The following DCK variants were observed in gnomAD, a reference collection of about 807,000 sequenced individuals.
DCK encodes deoxycytidine kinase.
Under a neutral mutation model 38.3 loss-of-function variants are expected in DCK, and 23 were observed. The observed-to-expected ratio is 0.60, with a 90% CI of 0.43 to 0.85. The LOEUF is 0.85. Ranked by LOEUF, DCK falls within the 40% of genes least tolerant of loss-of-function variation. DCK has a pLI of 0.00. For missense variants in DCK, 259 were observed against 304.4 expected (o/e 0.85, Z 1.11); for synonymous variants, 108 against 100.6 (o/e 1.07, Z -0.44).
chr4:71,002,389 G>C (rs1201281164), intron 2 of DCK, among the ~76,000 whole-genome samples: 1 of 152,080 alleles, frequency 6.6e-6, no homozygotes, highest in African/African-American at 2.4e-5. Flanking sequence ...CCAATTATGT[G>C]GTCAATTTTA....
At chr4:71,019,619 A>G (rs1017409462) in intron 2 of DCK, among the ~76,000 whole-genome samples, 3 of 152,160 alleles carry the variant, frequency 2.0e-5, no homozygotes, top group African/African-American at 7.2e-5. Flanking sequence ...CTAGAAATAT[A>G]GTCTTTTAAA....
intron 2 of DCK, among the ~76,000 whole-genome samples, chr4:71,022,107 G>T (rs1740440622): frequency 6.6e-6 from 1 of 152,098 alleles, no homozygotes; most frequent in South Asian, 2.1e-4. Context: ...TTTTAAAAAG[G>T]ACTTTTGGAC....
chr4:71,023,562 T>C lies in DCK; in HGVS notation c.405T>C (p.Tyr135=). The C allele has an allele frequency of 6.3e-7, 1 of 1,579,496 alleles. No homozygotes were observed. The part of the protein sequence containing the change: ...FFERSVYSDR[Y]IFASNLYESE... ...GTTGATGAAGACTCTCTTTTAGGTA[T>C]ATTTTTGCATCTAATTTGTATGAAT... The change falls in exon 4 of 7, where the codon TAT becomes TAC. Residue 135 remains tyrosine (Y), a synonymous_variant. Transcript: ENST00000286648.
Position 70,998,172 on chromosome 4 carries a change from A to G in DCK, c.197A>G (p.Asp66Gly), listed in dbSNP as rs574859386. The part of the protein sequence containing the change: ...ARWCNVQSTQ[D>G]EFEELTMSQK... ...TGGTGCAATGTTCAAAGTACTCAAG[A>G]TGAATTTGAGGTATGAAAATAAAAT... Residue 66 changes from aspartate to glycine, a missense_variant, in exon 2 of 7, where the codon GAT becomes GGT. Physicochemically the swap from Asp to Gly is moderately conservative, Grantham distance 94 (BLOSUM62 -1). Around this residue, in one of 3 missense-constraint regions of DCK, gnomAD observed 159 missense variants for 159.0 expected, o/e 1.00. Coordinates refer to ENST00000286648, the MANE Select transcript of DCK (RefSeq NM_000788.3). 6.4e-6 allele frequency: 10 copies of G among 1,558,056 alleles called. No individual in the cohort carries two copies. The South Asian group carries it at 1.2e-4, about 18-fold the overall frequency.
intron 2 of DCK, among the ~76,000 whole-genome samples, chr4:71,003,270 T>C (rs540932214): frequency 1.7e-4 from 26 of 152,340 alleles, no homozygotes; most frequent in Non-Finnish European, 2.9e-4. Context: ...TCTTTAAGAA[T>C]GTTGAATGTT....
At chr4:71,021,201 C>A (rs978948784) in intron 2 of DCK, among the ~76,000 whole-genome samples, 1 of 151,254 alleles carries the variant, frequency 6.6e-6, no homozygotes, top group Non-Finnish European at 1.5e-5. Flanking sequence ...TCAGCCTCCC[C>A]AGTAGCTGGG....
At chr4:70,998,463 A>G (rs1240300792) in intron 2 of DCK, among the ~76,000 whole-genome samples, 3 of 152,220 alleles carry the variant, frequency 2.0e-5, no homozygotes, top group Admixed American at 2.0e-4. Context: ...TAGCATTTAC[A>G]TTGTATTAAG....
chr4:71,026,635 A>G lies in DCK; in HGVS notation c.666-30A>G, dbSNP rs768299319. The G allele has an allele frequency of 3.8e-6, 4 of 1,040,224 alleles. No homozygotes were observed. The Admixed American group carries it at 6.0e-5, about 16-fold the overall frequency. The allele number at this position is 1,040,224 out of a possible 1,614,324, so 64.4% of individuals were successfully genotyped here. On this transcript the variant is annotated intron_variant, in intron 5 of 6. Transcript: ENST00000286648. ...CTCTCTTTTTTTTGTTGAATTTCTG[A>G]TTATTTTATTAATCTCTCTTTTTAA...
At chr4:71,024,863 T>G (rs1414798209) in intron 4 of DCK, among the ~76,000 whole-genome samples, 1 of 152,092 alleles carries the variant, frequency 6.6e-6, no homozygotes, top group African/African-American at 2.4e-5. Context: ...TCACTTTTAT[T>G]TTTGAAAAGG....
At chr4:71,001,056 A>G (rs549737888) in intron 2 of DCK, among the ~76,000 whole-genome samples, 11 of 152,228 alleles carry the variant, frequency 7.2e-5, no homozygotes. Flanking sequence ...ACTATGTTGA[A>G]TAGGAGAGGT....
Position 70,995,027 on chromosome 4 carries a change from T to C in DCK, c.91+1101T>C, listed in dbSNP as rs1739630572. On this transcript the variant is annotated intron_variant, in intron 1 of 6. Coordinates refer to ENST00000286648, the MANE Select transcript of DCK (RefSeq NM_000788.3). ...CAAATTTTTTAAAATTCTTACCACA[T>C]TCAAAGCACTGTACCTTCTTGAAAA... Among the ~76,000 whole-genome samples, 5 of 152,196 alleles carry C rather than the reference T, an allele frequency of 3.3e-5. No homozygotes were observed. The South Asian group carries it at 1.0e-3, about 31-fold the overall frequency.
At chr4:71,002,388 T>G (rs1322687406) in intron 2 of DCK, among the ~76,000 whole-genome samples, 1 of 152,228 alleles carries the variant, frequency 6.6e-6, no homozygotes, top group East Asian at 1.9e-4. Flanking sequence ...TCCAATTATG[T>G]GGTCAATTTT....
intron 2 of DCK, among the ~76,000 whole-genome samples, chr4:71,005,040 T>A (rs1309736100): frequency 6.6e-6 from 1 of 152,132 alleles, no homozygotes; most frequent in Non-Finnish European, 1.5e-5. Context: ...GAAAAAAAAC[T>A]CCTGCAGCTA....
chr4:71,018,330 G>A (rs1201430292), intron 2 of DCK, among the ~76,000 whole-genome samples: 10 of 151,912 alleles, frequency 6.6e-5, no homozygotes, highest in Admixed American at 2.6e-4. Context: ...GGGTTTCACC[G>A]TGTTAGCCAG....
At chr4:70,997,953 G>A in intron 1 of DCK, 114 bp from the exon 2 acceptor site, 1 of 496,584 alleles carries the variant, frequency 2.0e-6, no homozygotes, top group Non-Finnish European at 3.6e-6. Context: ...AAAGTTGAAT[G>A]TTTTGGGCTT....
chr4:71,002,218 T>G (rs973634441), intron 2 of DCK, among the ~76,000 whole-genome samples: 1 of 152,206 alleles, frequency 6.6e-6, no homozygotes, highest in Non-Finnish European at 1.5e-5. Context: ...CTGCCCTAAT[T>G]TCGTTATTTA....
rs1482916495 is a variant in DCK, at chr4:71,030,073, T to C, written c.*695T>C. ...GCTTTGTAGGGTTCTGCTTTTAAGT[T>C]TTTCTCTTTTTCAGACAAATTACTG... On this transcript the variant is annotated 3_prime_UTR_variant, in exon 7 of 7. Transcript: ENST00000286648. 1.3e-5 allele frequency: 2 copies of C among 152,594 alleles called. No individual in the cohort carries two copies. Among genetic ancestry groups the C allele is most frequent in the African/African-American group, 2.4e-5 (1 of 41,428 alleles). 9.5% of individuals were successfully genotyped at this position (152,594 alleles called of 1,614,324 possible).
intron 2 of DCK, among the ~76,000 whole-genome samples, chr4:71,012,001 T>C (rs1217660183): frequency 1.3e-5 from 2 of 152,234 alleles, no homozygotes; most frequent in Non-Finnish European, 2.9e-5. Context: ...AAAAATATTA[T>C]AAAGTAATAC....
chr4:70,996,750 TTC>T (rs1254477552), intron 1 of DCK, among the ~76,000 whole-genome samples: 14 of 152,228 alleles, frequency 9.2e-5, no homozygotes, highest in Admixed American at 9.2e-4. Flanking sequence ...TCTTCTTATG[TTC>T]TGTGTTACTC....
Sources: allele counts gnomAD v4.1 joint callset (sites outside exome capture counted in the v4.1 genomes callset), GRCh38; gene constraint gnomAD v4.1.1; regional missense constraint gnomAD v4.1.1; transcripts MANE v1.5; gene names NCBI Gene and HGNC (gene_info 2026-07-23, HGNC 2026-07-21).